Variants in RAPGEF5 observed in about 807,000 individuals in gnomAD.
RAPGEF5 encodes the protein M-Ras-regulated GEF.
A neutral mutation model predicts 125.2 loss-of-function variants in RAPGEF5; 65 were observed. The ratio of observed to expected loss-of-function variants is 0.52; its 90% CI spans 0.43 to 0.64. The LOEUF is 0.64. Ranked by LOEUF, RAPGEF5 falls within the 30% of genes least tolerant of loss-of-function variation. The pLI is 0.00. For missense variants in RAPGEF5, 958 were observed against 1,048.1 expected (o/e 0.91, Z 1.19); for synonymous variants, 391 against 385.9 (o/e 1.01, Z -0.16).
intron 7 of RAPGEF5, among the ~76,000 whole-genome samples, chr7:22,235,521 AAAAT>A: frequency 6.6e-6 from 1 of 152,246 alleles, no homozygotes; most frequent in Non-Finnish European, 1.5e-5. Flanking sequence ...GAAGAATAGA[AAAAT>A]AAAGATCAAA....
chr7:22,258,563 G>A (rs1782061435), intron 7 of RAPGEF5, among the ~76,000 whole-genome samples: 1 of 143,774 alleles, frequency 7.0e-6, no homozygotes, highest in African/African-American at 2.6e-5. Context: ...GGCAGAGGTT[G>A]TGGTGAGCCA....
intron 11 of RAPGEF5, among the ~76,000 whole-genome samples, chr7:22,178,578 T>C (rs767647000): frequency 1.3e-5 from 2 of 152,178 alleles, no homozygotes; most frequent in African/African-American, 2.4e-5. Context: ...TACTGCTTTA[T>C]TATAAAGGAG....
At chr7:22,286,753 G>A (rs953305580) in intron 6 of RAPGEF5, among the ~76,000 whole-genome samples, 1 of 152,176 alleles carries the variant, frequency 6.6e-6, no homozygotes, top group Non-Finnish European at 1.5e-5. Context: ...TTAGGTTTGA[G>A]CAAGCAGACC....
At chr7:22,338,576 C>G (rs1475207569) in intron 1 of RAPGEF5, among the ~76,000 whole-genome samples, 2 of 152,168 alleles carry the variant, frequency 1.3e-5, no homozygotes, top group African/African-American at 4.8e-5. Context: ...CTGAGGTAGA[C>G]ATTCCTAACA....
intron 3 of RAPGEF5, 78 bp from the exon 4 acceptor site, chr7:22,310,168 C>T: frequency 7.6e-7 from 1 of 1,316,666 alleles, no homozygotes; most frequent in Non-Finnish European, 9.7e-7. Context: ...ATATATAATA[C>T]CTTTCCTTTC....
chr7:22,191,848 G>A (rs955540101), intron 11 of RAPGEF5, among the ~76,000 whole-genome samples: 1 of 152,206 alleles, frequency 6.6e-6, no homozygotes, highest in African/African-American at 2.4e-5. Flanking sequence ...ATGAAATGAA[G>A]CTAGGCCTGG....
intron 7 of RAPGEF5, among the ~76,000 whole-genome samples, chr7:22,257,090 A>C (rs952939001): frequency 1.3e-5 from 2 of 152,228 alleles, no homozygotes; most frequent in Admixed American, 6.5e-5. Flanking sequence ...GCTCATTTTA[A>C]TAACCTCTTG....
At chr7:22,248,596 G>C (rs559437500) in intron 7 of RAPGEF5, among the ~76,000 whole-genome samples, 1 of 152,246 alleles carries the variant, frequency 6.6e-6, no homozygotes, top group African/African-American at 2.4e-5. Context: ...AGTATTCCTA[G>C]CCAGAGATTA....
intron 22 of RAPGEF5, 69 bp from the exon 23 acceptor site, chr7:22,136,194 C>G (rs1783075458): frequency 3.5e-6 from 4 of 1,152,082 alleles, no homozygotes; most frequent in Non-Finnish European, 5.0e-6. Flanking sequence ...CTAAATCCAC[C>G]TTTGCTACAC....
intron 1 of RAPGEF5, 101 bp from the exon 2 acceptor site, chr7:22,318,138 GAAAAA>G: frequency 1.1e-5 from 8 of 701,928 alleles, no homozygotes; most frequent in East Asian, 3.9e-5. Flanking sequence ...CCTCTGCTAT[GAAAAA>G]AAAAAAAAAA....
chr7:22,309,286 C>T, intron 4 of RAPGEF5, among the ~76,000 whole-genome samples: 1 of 152,022 alleles, frequency 6.6e-6, no homozygotes, highest in East Asian at 1.9e-4. Flanking sequence ...AAGATTACAC[C>T]CACGTCCATA....
chr7:22,150,590 G>C, intron 17 of RAPGEF5, 86 bp from the exon 18 acceptor site: 3 of 1,453,732 alleles, frequency 2.1e-6, no homozygotes, highest in Non-Finnish European at 2.7e-6. Context: ...CTTAAAAAGT[G>C]AAACTTGCCA....
chr7:22,188,680 C>G (rs898090425), intron 11 of RAPGEF5, among the ~76,000 whole-genome samples: 1 of 150,566 alleles, frequency 6.6e-6, no homozygotes, highest in African/African-American at 2.4e-5. Context: ...GCAGGAGAAT[C>G]GCTTGAACTT....
chr7:22,130,483 G>A (rs1192037034), intron 24 of RAPGEF5, among the ~76,000 whole-genome samples: 1 of 152,134 alleles, frequency 6.6e-6, no homozygotes, highest in Non-Finnish European at 1.5e-5. Context: ...TGGCCGTGGT[G>A]CTCAGGGATG....
chr7:22,138,714 TCTG>T (rs1238027381), intron 21 of RAPGEF5, among the ~76,000 whole-genome samples: 1 of 152,252 alleles, frequency 6.6e-6, no homozygotes, highest in Non-Finnish European at 1.5e-5. Flanking sequence ...CCATCTCCTG[TCTG>T]CTATGGCACT....
At chr7:22,224,920 T>A (rs1163016635) in intron 8 of RAPGEF5, among the ~76,000 whole-genome samples, 1 of 151,964 alleles carries the variant, frequency 6.6e-6, no homozygotes, top group Non-Finnish European at 1.5e-5. Flanking sequence ...GTCTTCACTA[T>A]TTTTTTGGAT....
At chr7:22,253,794 C>T (rs1786682063) in intron 7 of RAPGEF5, among the ~76,000 whole-genome samples, 1 of 152,180 alleles carries the variant, frequency 6.6e-6, no homozygotes, top group African/African-American at 2.4e-5. Flanking sequence ...TTATTACTAA[C>T]ATCCATTCTA....
At position 22,140,056 on chromosome 7, in the gene RAPGEF5, G is replaced by A. The variant is rs959974771; in HGVS notation, c.2246C>T (p.Ala749Val). 2.5e-6 allele frequency: 4 copies of A among 1,569,074 alleles called. No individual in the cohort carries two copies. The Admixed American group carries it at 5.6e-5, about 22-fold the overall frequency. The change falls in exon 21 of 26, where the codon GCT (alanine) becomes GTT (valine). Residue 749 changes from alanine to valine, a missense_variant. Physicochemically the swap from Ala to Val is moderately conservative, Grantham distance 64 (BLOSUM62 0). Coordinates refer to ENST00000665637, the MANE Select transcript of RAPGEF5 (RefSeq NM_012294.5). ...GGTCTGCGACAGTCGACTGACAGAA[G>A]CAGTGTTGAGACCCATCACAATGGC... is the stretch of plus-strand genomic sequence containing the variant. ...FFAIVMGLNT[A>V]SVSRLSQTWE...
intron 7 of RAPGEF5, among the ~76,000 whole-genome samples, chr7:22,258,162 G>A (rs1046082949): frequency 2.0e-5 from 3 of 152,156 alleles, no homozygotes; most frequent in Non-Finnish European, 4.4e-5. Flanking sequence ...GATAATAGAT[G>A]TAGATACAGA....
Sources: gnomAD v4.1 joint callset for allele counts (sites outside exome capture counted in the v4.1 genomes callset) on GRCh38, gnomAD v4.1.1 for gene constraint, MANE v1.5 for transcripts, NCBI Gene and HGNC (gene_info 2026-07-23, HGNC 2026-07-21) for gene names.